The following PCDHA3 variants were observed in gnomAD, a reference collection of about 807,000 sequenced individuals.
PCDHA3 encodes the protein protocadherin alpha-3.
In PCDHA3, 41 loss-of-function variants were observed where a neutral mutation model predicts 62.2. The observed-to-expected ratio is 0.66, with a 90% confidence interval of 0.51 to 0.86. The LOEUF (loss-of-function observed/expected upper bound fraction) is 0.86, where lower values mean the gene tolerates loss of function less well. PCDHA3 is among the 40% of genes least tolerant of loss of function. The probability of loss-of-function intolerance (pLI) is 0.00; values close to 1 mark genes in which losing one functional copy is unlikely to be tolerated. For missense variants in PCDHA3, 1,304 were observed against 1,241.2 expected, an observed-to-expected ratio of 1.05 and a Z score of -0.76; for synonymous variants, 640 against 555.4, an observed-to-expected ratio of 1.15 and a Z score of -2.14.
chr5:140,868,252 T>C (rs1186054905), intron 1 of PCDHA3: 1 of 152,134 alleles, frequency 6.6e-6, no homozygotes. Context: ...AGACTTTTCC[T>C]TTGTGGATTC....
At chr5:140,863,178 C>A (rs1420894530) in intron 1 of PCDHA3, 10 of 736,748 alleles carry the variant, frequency 1.4e-5, no homozygotes, top group Admixed American at 1.3e-4. Context: ...TGACTGCCAC[C>A]GTCACCGTGG....
Position 140,978,953 on chromosome 5 carries a change from G to T in PCDHA3, c.2399G>T (p.Arg800Leu), listed in dbSNP as rs781913955. The T allele has an allele frequency of 6.2e-7, 1 of 1,614,048 alleles. No individual in the cohort carries two copies. Among genetic ancestry groups the T allele is most frequent in the Admixed American group, 1.7e-5 (1 of 59,996 alleles). The change falls in exon 2 of 4, where the codon CGA becomes CTA. Residue 800 changes from arginine to leucine, a missense_variant. Physicochemically the swap from Arg to Leu is moderately radical, Grantham distance 102 (BLOSUM62 -2). Coordinates refer to ENST00000522353, the MANE Select transcript of PCDHA3 (RefSeq NM_018906.3). ...ACTCTCTTTGTGATTTTGCAGCCAC[G>T]ACAGCCCAACCCTGACTGGCGTTAC... ...DVDVDLSAKP[R>L]QPNPDWRYSA... is the part of the protein sequence containing the mutation.
chr5:140,985,498 C>G (rs540282855), intron 3 of PCDHA3, among the ~76,000 whole-genome samples: 2 of 152,274 alleles, frequency 1.3e-5, no homozygotes, highest in African/African-American at 4.8e-5. Flanking sequence ...ATAGAGCCTG[C>G]CTTTCATTGA....
intron 1 of PCDHA3, chr5:140,849,434 T>C (rs2150437412): frequency 1.0e-5 from 16 of 1,580,752 alleles, no homozygotes; most frequent in Non-Finnish European, 9.5e-6. Context: ...TTGAAGAAAG[T>C]AGAGCACACA....
At chr5:140,870,423 A>G in intron 1 of PCDHA3, 2 of 1,614,178 alleles carry the variant, frequency 1.2e-6, no homozygotes, top group African/African-American at 1.3e-5. Flanking sequence ...CGGCCAGGGT[A>G]TCCGTGGAGG....
chr5:140,988,524 T>C (rs1338675660), intron 3 of PCDHA3, among the ~76,000 whole-genome samples: 2 of 152,212 alleles, frequency 1.3e-5, no homozygotes, highest in East Asian at 3.8e-4. Context: ...AAGTCTCTGC[T>C]GGCTCCATCC....
At chr5:140,822,462 C>A in intron 1 of PCDHA3, 1 of 1,613,516 alleles carries the variant, frequency 6.2e-7, no homozygotes, top group South Asian at 1.1e-5. Flanking sequence ...AGTTGTTGAT[C>A]AATGTATTGG....
In PCDHA3 at chr5:141,010,147, C is replaced by T. The variant is rs895381983; in HGVS notation, c.*210C>T. ...AAGTCTGGTGTTAACTCTTTCTCTC[C>T]ACTCTGGCTTGTTTTCAGAACCTAA... On this transcript the variant is annotated 3_prime_UTR_variant, in exon 4 of 4. Coordinates refer to ENST00000522353, the MANE Select transcript of PCDHA3 (RefSeq NM_018906.3). 3.2e-6 allele frequency: 5 copies of T among 1,583,190 alleles called. No homozygotes were observed. The highest frequency in any genetic ancestry group is 4.3e-6 in the Non-Finnish European group (5 of 1,163,606).
chr5:140,853,959 GC>G, intron 1 of PCDHA3: 1 of 736,848 alleles, frequency 1.4e-6, no homozygotes, highest in Non-Finnish European at 1.7e-6. Context: ...CCTTCCTTGA[GC>G]CCAGCAGTTT....
chr5:140,823,199 C>A lies in PCDHA3; in HGVS notation c.2394+19608C>A, dbSNP rs143689350. The A allele has an allele frequency of 1.6e-4, 266 of 1,613,866 alleles. No homozygotes were observed. In the African/African-American group the frequency reaches 3.4e-3, roughly 21 times the overall value. ...AACCCGCCAGGCTGCCACATCTTCA[C>A]GGTGTCTGCACGGGACGCGGACGCG... is the stretch of plus-strand genomic sequence containing the variant. On this transcript the variant is annotated intron_variant, in intron 1 of 3. Coordinates refer to ENST00000522353, the MANE Select transcript of PCDHA3 (RefSeq NM_018906.3).
At chr5:140,953,284 T>G (rs2094869714) in intron 1 of PCDHA3, among the ~76,000 whole-genome samples, 1 of 152,160 alleles carries the variant, frequency 6.6e-6, no homozygotes, top group Admixed American at 6.5e-5. Flanking sequence ...TCTTTATATG[T>G]GATTCAGGGA....
At chr5:140,945,243 A>G (rs1554216829) in intron 1 of PCDHA3, among the ~76,000 whole-genome samples, 1 of 152,166 alleles carries the variant, frequency 6.6e-6, no homozygotes, top group Admixed American at 6.5e-5. Flanking sequence ...AATTTAACCA[A>G]GAGGATGAAA....
intron 1 of PCDHA3, chr5:140,809,759 A>C: frequency 4.9e-6 from 3 of 606,938 alleles, no homozygotes; most frequent in South Asian, 4.9e-5. Flanking sequence ...CCTTCATTTT[A>C]TGCTGCATTA....
In PCDHA3 at chr5:140,801,668, A is replaced by G. The variant is rs782236983; in HGVS notation, c.471A>G (p.Ala157=). 11 of 1,614,112 alleles carry G rather than the reference A, an allele frequency of 6.8e-6. No individual in the cohort carries two copies. In the East Asian group the frequency reaches 2.0e-4, roughly 29 times the overall value. ...QPGSRFSLEG[A]SDADIGTNSL... The stretch of plus-strand genomic sequence containing the variant: ...GCTCTCGGTTTTCGCTAGAGGGCGC[A>G]TCAGATGCAGATATCGGAACAAATT... Residue 157 remains alanine, a synonymous_variant, in exon 1 of 4, where the codon GCA becomes GCG. Transcript: ENST00000522353.
At position 140,835,306 on chromosome 5, in the gene PCDHA3, T is replaced by G; in HGVS notation, c.2394+31715T>G. 1.9e-6 allele frequency: 3 copies of G among 1,612,964 alleles called. No individual in the cohort carries two copies. In the Middle Eastern group the frequency reaches 5.0e-4, roughly 267 times the overall value. ...GGGGCAATCACAGTGATAGGACATA[T>G]GGATTTTGAAGAAAGTAGAGCACAC... On this transcript the variant is annotated intron_variant, in intron 1 of 3. Transcript: ENST00000522353.
At chr5:140,971,782 A>G (rs1458049076) in intron 1 of PCDHA3, among the ~76,000 whole-genome samples, 1 of 152,166 alleles carries the variant, frequency 6.6e-6, no homozygotes, top group Non-Finnish European at 1.5e-5. Context: ...ATTCAAGATT[A>G]TTCAATATAT....
At chr5:140,821,419 A>T (rs189071646) in intron 1 of PCDHA3, 32 of 183,592 alleles carry the variant, frequency 1.7e-4, no homozygotes, top group Non-Finnish European at 3.1e-4. Context: ...GAGTTTAATG[A>T]TATATTTTGA....
intron 1 of PCDHA3, chr5:140,841,104 A>C (rs1554138000): frequency 1.7e-6 from 1 of 585,830 alleles, no homozygotes; most frequent in African/African-American, 1.9e-5. Flanking sequence ...GATATTGCGG[A>C]AGTAATTCAT....
In PCDHA3 at chr5:140,847,559, GC is replaced by G. The variant is rs150732093; in HGVS notation, c.2394+43972del. 4.7e-5 allele frequency: 7 copies of G among 149,276 alleles called. No individual in the cohort carries two copies. In the East Asian group the frequency reaches 1.4e-3, roughly 29 times the overall value. The allele number at this position is 149,276 out of a possible 1,614,324, so 9.2% of individuals were successfully genotyped here. A position where few individuals can be genotyped will look rare whatever the true frequency, so the allele number is the denominator to read the frequency against. On this transcript the variant is annotated intron_variant, in intron 1 of 3. Coordinates refer to ENST00000522353, the MANE Select transcript of PCDHA3 (RefSeq NM_018906.3). ...AAGCATAGCTTTAAAAACAGAAATT[GC>G]CCCGAGTACTAAGGATGAGCAATAA...
Sources: allele counts gnomAD v4.1 joint callset (sites outside exome capture counted in the v4.1 genomes callset), GRCh38; gene constraint gnomAD v4.1.1; transcripts MANE v1.5; gene names NCBI Gene and HGNC (gene_info 2026-07-23, HGNC 2026-07-21).